EDIL3: variants seen among roughly 807,000 people sequenced by gnomAD.
EDIL3 encodes EGF like and discoidin domains 3.
Under a neutral mutation model 67.4 loss-of-function variants are expected in EDIL3, and 37 were observed. The ratio of observed to expected loss-of-function variants is 0.55; its 90% CI spans 0.42 to 0.72. The LOEUF is 0.72. EDIL3 is among the 30% of genes least tolerant of loss of function. EDIL3 has a pLI of 0.00. For synonymous variants in EDIL3, 195 were observed against 196.3 expected (o/e 0.99, Z 0.05); for missense variants, 527 against 586.3 (o/e 0.90, Z 1.04).
chr5:84,051,778 G>T (rs1018750176), intron 9 of EDIL3, among the ~76,000 whole-genome samples: 1 of 152,082 alleles, frequency 6.6e-6, no homozygotes, highest in Non-Finnish European at 1.5e-5. Context: ...AAAAAGAAAC[G>T]AACAAAGCCT....
chr5:83,989,502 A>G (rs1480057720), intron 9 of EDIL3, among the ~76,000 whole-genome samples: 1 of 152,214 alleles, frequency 6.6e-6, no homozygotes, highest in Non-Finnish European at 1.5e-5. Context: ...GGAAGTGAAT[A>G]TGGAGTATCC....
intron 9 of EDIL3, among the ~76,000 whole-genome samples, chr5:83,989,114 C>A (rs1177265939): frequency 6.6e-6 from 1 of 152,102 alleles, no homozygotes; most frequent in Admixed American, 6.5e-5. Flanking sequence ...TTGAATAAAT[C>A]CCTAGAAGTG....
chr5:84,366,710 C>G lies in EDIL3; in HGVS notation c.67+17598G>C, dbSNP rs73146538. 2.4e-3 allele frequency among the ~76,000 whole-genome samples: 365 copies of G among 152,228 alleles called. 1 individual carries two copies. Among genetic ancestry groups the G allele is most frequent in the African/African-American group, 8.6e-3 (356 of 41,552 alleles). ...AGTATTCCACTAACTACGAAAGACTCTAGAAACAGTATACACAAAAGTACC... is the reference window on the plus strand; with the variant it reads ...AGTATTCCACTAACTACGAAAGACTGTAGAAACAGTATACACAAAAGTACC... On this transcript the variant is annotated intron_variant, in intron 1 of 10. Coordinates refer to ENST00000296591, the MANE Select transcript of EDIL3 (RefSeq NM_005711.5).
In EDIL3 at chr5:84,248,741, C is replaced by T. The variant is rs74905805; in HGVS notation, c.196+5343G>A. 8.0e-3 allele frequency among the ~76,000 whole-genome samples: 1,220 copies of T among 152,208 alleles called. 13 individuals carry two copies. The highest frequency in any genetic ancestry group is 0.027 in the African/African-American group (1,140 of 41,538). On this transcript the variant is annotated intron_variant, in intron 2 of 10. Coordinates refer to ENST00000296591, the MANE Select transcript of EDIL3 (RefSeq NM_005711.5). Reference sequence around the variant, plus strand: ...TTGCTCAGGCCAGAAACTGGGGATGCCTTTCTTTACTCTTAGTTTCTCCCA... The same window carrying T: ...TTGCTCAGGCCAGAAACTGGGGATGTCTTTCTTTACTCTTAGTTTCTCCCA...
intron 4 of EDIL3, among the ~76,000 whole-genome samples, chr5:84,165,306 A>G (rs529556525): frequency 7.9e-5 from 12 of 152,254 alleles, no homozygotes; most frequent in East Asian, 5.8e-4. Flanking sequence ...TTAGAGTTCT[A>G]TAAGAAAAGA....
chr5:84,103,491 A>G lies in EDIL3; in HGVS notation c.651+3158T>C, dbSNP rs142646999. ...TGCATCTGATAAAGGTCTAATATTC[A>G]GCATCTATAAGAAACTTAAATTTTC... On this transcript the variant is annotated intron_variant, in intron 6 of 10. Coordinates refer to ENST00000296591, the MANE Select transcript of EDIL3 (RefSeq NM_005711.5). Among the ~76,000 whole-genome samples the G allele has an allele frequency of 3.1e-3, 465 of 152,254 alleles. 2 individuals are homozygous for G. The highest frequency in any genetic ancestry group is 0.011 in the African/African-American group (441 of 41,552).
intron 3 of EDIL3, among the ~76,000 whole-genome samples, chr5:84,205,011 C>T (rs1043697968): frequency 1.3e-5 from 2 of 151,882 alleles, no homozygotes; most frequent in South Asian, 4.2e-4. Context: ...CTCCCGGGCA[C>T]AAGCAATCCT....
At chr5:84,158,113 A>G (rs1748527236) in intron 4 of EDIL3, among the ~76,000 whole-genome samples, 1 of 152,260 alleles carries the variant, frequency 6.6e-6, no homozygotes, top group Non-Finnish European at 1.5e-5. Context: ...TTGTAAAACC[A>G]GATGTGCCAA....
intron 1 of EDIL3, among the ~76,000 whole-genome samples, chr5:84,359,766 C>A (rs1747560729): frequency 6.6e-6 from 1 of 152,128 alleles, no homozygotes; most frequent in African/African-American, 2.4e-5. Flanking sequence ...ATGGCACTGC[C>A]CAGACAAAAC....
intron 9 of EDIL3, among the ~76,000 whole-genome samples, chr5:84,048,716 T>G (rs547679543): frequency 2.5e-4 from 38 of 152,156 alleles, no homozygotes; most frequent in African/African-American, 7.7e-4. Context: ...TTATCCATTT[T>G]CTATAGTCAC....
intron 5 of EDIL3, among the ~76,000 whole-genome samples, chr5:84,133,786 C>A (rs541608341): frequency 4.2e-4 from 64 of 151,778 alleles, no homozygotes; most frequent in African/African-American, 1.5e-3. Flanking sequence ...TAAAACTTAA[C>A]CAAACCTTGT....
intron 2 of EDIL3, among the ~76,000 whole-genome samples, chr5:84,246,630 T>C (rs901757156): frequency 6.6e-6 from 1 of 152,250 alleles, no homozygotes; most frequent in East Asian, 1.9e-4. Context: ...TAATGGGTCA[T>C]TGTCTTTTCT....
chr5:84,340,532 CTCTATATATATATATATA>C (rs1212972956), intron 1 of EDIL3, among the ~76,000 whole-genome samples: 10 of 66,596 alleles, frequency 1.5e-4, no homozygotes, highest in African/African-American at 2.4e-4. Context: ...CTCTCTCTCT[CTCTATATATATATATATA>C]TATATATATA....
intron 1 of EDIL3, among the ~76,000 whole-genome samples, chr5:84,333,238 G>A (rs958916744): frequency 5.3e-5 from 8 of 151,936 alleles, no homozygotes; most frequent in African/African-American, 1.2e-4. Context: ...ATGAACATAC[G>A]AATTTCACTA....
chr5:83,952,626 A>G (rs1361370348), intron 10 of EDIL3, among the ~76,000 whole-genome samples: 1 of 151,800 alleles, frequency 6.6e-6, no homozygotes, highest in African/African-American at 2.4e-5. Flanking sequence ...TCTTTTCTAT[A>G]AAAGTACAGA....
rs1409469002 is a variant in EDIL3 at position 84,379,633 on chromosome 5, T to G, written c.67+4675A>C. Among the ~76,000 whole-genome samples the G allele has an allele frequency of 3.3e-5, 5 of 152,086 alleles. No homozygotes were observed. In the South Asian group the frequency reaches 1.0e-3, roughly 31 times the overall value. On this transcript the variant is annotated intron_variant, in intron 1 of 10. Coordinates refer to ENST00000296591, the MANE Select transcript of EDIL3 (RefSeq NM_005711.5). ...TGTTTTACTACAAACACCTCATAGC[T>G]CTCTGTGTTTTTCCTTGGAAGGTAC...
At position 83,963,363 on chromosome 5, in the gene EDIL3, T is replaced by C; in HGVS notation, c.1138-3A>G. On this transcript the variant is annotated splice_polypyrimidine_tract_variant and splice_region_variant and intron_variant, in intron 9 of 10. Coordinates refer to ENST00000296591, the MANE Select transcript of EDIL3 (RefSeq NM_005711.5). ...TTGGTTGGAACAAGAAGATCCACCT[T>C]AAAAAAAAGAAAAATACAGGCTTTA... The C allele has an allele frequency of 6.3e-7, 1 of 1,585,366 alleles. No individual in the cohort carries two copies. The highest frequency in any genetic ancestry group is 1.4e-5 in the African/African-American group (1 of 72,864).
chr5:84,367,843 T>C (rs892853653), intron 1 of EDIL3, among the ~76,000 whole-genome samples: 2 of 152,140 alleles, frequency 1.3e-5, no homozygotes, highest in Non-Finnish European at 2.9e-5. Context: ...TTTCCGTTTC[T>C]CTCCATTACA....
chr5:84,124,119 G>A (rs1045657790), intron 5 of EDIL3, among the ~76,000 whole-genome samples: 1 of 151,836 alleles, frequency 6.6e-6, no homozygotes. Flanking sequence ...ACTTATCCAG[G>A]TATGCATAAA....
Sources: allele counts gnomAD v4.1 joint callset (sites outside exome capture counted in the v4.1 genomes callset), GRCh38; gene constraint gnomAD v4.1.1; transcripts MANE v1.5; gene names NCBI Gene and HGNC (gene_info 2026-07-23, HGNC 2026-07-21).